The following ZNF385D variants were observed in gnomAD, a reference collection of about 807,000 sequenced individuals.
ZNF385D encodes the protein zinc finger protein 385D, also known as zinc finger protein 659.
ZNF385D carries 15 observed loss-of-function variants against 35.8 expected under a neutral mutation model. The ratio of observed to expected loss-of-function variants is 0.42; its 90% CI spans 0.28 to 0.64. The LOEUF (loss-of-function observed/expected upper bound fraction) is 0.64, where lower values mean the gene tolerates loss of function less well. Among genes scored for constraint, ZNF385D ranks in the 30% least tolerant of loss-of-function variants. The pLI is 0.23. For synonymous variants in ZNF385D, 212 were observed against 186.8 expected (o/e 1.13, Z -1.10); for missense variants, 474 against 494.6 (o/e 0.96, Z 0.39).
At chr3:21,721,848 C>T (rs1403102971) in intron 1 of ZNF385D, among the ~76,000 whole-genome samples, 1 of 152,090 alleles carries the variant, frequency 6.6e-6, no homozygotes, top group Non-Finnish European at 1.5e-5. Context: ...GCCTGTATTC[C>T]CAGCACTTTG....
intron 2 of ZNF385D, among the ~76,000 whole-genome samples, chr3:22,188,567 A>G (rs1695799584): frequency 6.6e-6 from 1 of 151,750 alleles, no homozygotes; most frequent in African/African-American, 2.4e-5. Context: ...CTCCTGCCTC[A>G]GCCTCCCGAG....
At chr3:21,678,311 G>A (rs902464566) in intron 1 of ZNF385D, among the ~76,000 whole-genome samples, 3 of 152,054 alleles carry the variant, frequency 2.0e-5, no homozygotes, top group Non-Finnish European at 4.4e-5. Flanking sequence ...CTCAGTAAAT[G>A]GGAGACTTTC....
chr3:22,205,892 G>A (rs1041981727), intron 2 of ZNF385D, among the ~76,000 whole-genome samples: 2 of 151,958 alleles, frequency 1.3e-5, no homozygotes, highest in African/African-American at 2.4e-5. Context: ...AATGGCGGGA[G>A]CAAGTTCTTG....
intron 2 of ZNF385D, among the ~76,000 whole-genome samples, chr3:22,204,818 A>G (rs1401603738): frequency 2.0e-5 from 3 of 151,892 alleles, no homozygotes; most frequent in African/African-American, 7.2e-5. Context: ...TCACAGTCAC[A>G]GGAGAAAAAG....
intron 3 of ZNF385D, among the ~76,000 whole-genome samples, chr3:21,778,994 A>C (rs953930078): frequency 6.6e-6 from 1 of 151,994 alleles, no homozygotes; most frequent in African/African-American, 2.4e-5. Context: ...ATGGAGAACC[A>C]GGTTGGAAAA....
intron 3 of ZNF385D, among the ~76,000 whole-genome samples, chr3:22,147,750 A>G (rs1278105217): frequency 6.6e-6 from 1 of 152,302 alleles, no homozygotes; most frequent in East Asian, 1.9e-4. Context: ...CTCCACAATG[A>G]AAGAGTTAGG....
At chr3:21,490,674 T>A (rs1375544235) in intron 4 of ZNF385D, among the ~76,000 whole-genome samples, 1 of 152,258 alleles carries the variant, frequency 6.6e-6, no homozygotes, top group South Asian at 2.1e-4. Flanking sequence ...AGCTGTGATA[T>A]GACTGATGTG....
At chr3:22,112,036 C>G (rs1241538451) in intron 3 of ZNF385D, among the ~76,000 whole-genome samples, 1 of 152,142 alleles carries the variant, frequency 6.6e-6, no homozygotes, top group East Asian at 1.9e-4. Context: ...CTACTCTAAT[C>G]TTAAAGGACC....
At chr3:21,468,694 G>C (rs1703687837) in intron 4 of ZNF385D, among the ~76,000 whole-genome samples, 1 of 152,130 alleles carries the variant, frequency 6.6e-6, no homozygotes, top group Admixed American at 6.5e-5. Flanking sequence ...GGGAGTCCGA[G>C]GCAGGCGGAT....
At chr3:22,276,096 A>G (rs1255076499) in intron 2 of ZNF385D, among the ~76,000 whole-genome samples, 1 of 152,066 alleles carries the variant, frequency 6.6e-6, no homozygotes, top group East Asian at 1.9e-4. Context: ...AAAAATAAAT[A>G]AAGAATCATG....
intron 1 of ZNF385D, among the ~76,000 whole-genome samples, chr3:21,685,006 G>T (rs1263278586): frequency 6.6e-6 from 1 of 152,076 alleles, no homozygotes; most frequent in African/African-American, 2.4e-5. Context: ...GGAAACCAAT[G>T]GGCTCCATAA....
intron 1 of ZNF385D, among the ~76,000 whole-genome samples, chr3:21,703,567 G>A (rs961603670): frequency 6.6e-5 from 10 of 151,804 alleles, no homozygotes; most frequent in Admixed American, 3.3e-4. Context: ...GTTTCAGCAC[G>A]CCATTTATTT....
intron 2 of ZNF385D, among the ~76,000 whole-genome samples, chr3:21,613,859 T>G (rs960503308): frequency 6.6e-6 from 1 of 152,230 alleles, no homozygotes; most frequent in African/African-American, 2.4e-5. Flanking sequence ...ATTATAAGGT[T>G]GTTTTGTGCA....
chr3:21,610,433 A>T (rs75384566), intron 2 of ZNF385D, among the ~76,000 whole-genome samples: 4,125 of 152,256 alleles, frequency 0.027, 195 homozygotes, highest in African/African-American at 0.094. Flanking sequence ...TTAGGTATCT[A>T]TTGATATATA....
At chr3:22,272,669 T>C (rs1311869503) in intron 2 of ZNF385D, among the ~76,000 whole-genome samples, 1 of 151,992 alleles carries the variant, frequency 6.6e-6, no homozygotes, top group African/African-American at 2.4e-5. Flanking sequence ...AAATTCCTCT[T>C]AGGATATTGT....
chr3:22,049,737 T>A (rs974894593), intron 3 of ZNF385D, among the ~76,000 whole-genome samples: 1 of 152,200 alleles, frequency 6.6e-6, no homozygotes, highest in Non-Finnish European at 1.5e-5. Flanking sequence ...GATGCTCAAT[T>A]TTCAGCATCC....
chr3:21,767,349 C>T (rs1285307698), intron 3 of ZNF385D, among the ~76,000 whole-genome samples: 5 of 150,422 alleles, frequency 3.3e-5, no homozygotes, highest in African/African-American at 4.9e-5. Context: ...AGCTCAACTG[C>T]CACTTGTCTC....
intron 3 of ZNF385D, among the ~76,000 whole-genome samples, chr3:21,916,116 G>A (rs556276985): frequency 6.6e-6 from 1 of 151,614 alleles, no homozygotes; most frequent in Non-Finnish European, 1.5e-5. Flanking sequence ...GGTATATTAG[G>A]GTACATTAAA....
intron 3 of ZNF385D, among the ~76,000 whole-genome samples, chr3:21,857,447 G>C (rs1032781122): frequency 1.3e-5 from 2 of 151,940 alleles, no homozygotes; most frequent in African/African-American, 2.4e-5. Flanking sequence ...TGTTGTTGTT[G>C]CTGTTCCTAC....
Sources: allele counts gnomAD v4.1 joint callset (sites outside exome capture counted in the v4.1 genomes callset), GRCh38; gene constraint gnomAD v4.1.1; transcripts MANE v1.5; gene names NCBI Gene and HGNC (gene_info 2026-07-23, HGNC 2026-07-21).